The following ZXDC variants were observed in gnomAD, a reference collection of about 807,000 sequenced individuals.
The protein encoded by ZXDC is zinc finger protein ZXDC.
In ZXDC, 58 loss-of-function variants were observed where a neutral mutation model predicts 63.6. The observed-to-expected ratio is 0.91, with a 90% CI of 0.74 to 1.13. The LOEUF (loss-of-function observed/expected upper bound fraction) is 1.13. Among genes scored for constraint, ZXDC ranks in the 50% most tolerant of loss-of-function variants. The pLI, the probability that ZXDC is intolerant of heterozygous loss-of-function variation, is 0.00. For synonymous variants in ZXDC, 561 were observed against 496.1 expected, an observed-to-expected ratio of 1.13 and a Z score of -1.74; for missense variants, 1,133 against 1,148.9, an observed-to-expected ratio of 0.99 and a Z score of 0.20.
intron 4 of ZXDC, among the ~76,000 whole-genome samples, chr3:126,468,167 C>A (rs73859301): frequency 6.6e-6 from 1 of 151,790 alleles, no homozygotes; most frequent in Admixed American, 6.6e-5. Flanking sequence ...GACAGTGAGG[C>A]GCTCACATGG....
Position 126,438,291 on chromosome 3 carries a change from AG to A in ZXDC, c.*83del. ...TGGTCTTCTGAACGGAAACCAAATG[AG>A]GTCTCCCCAGGCTCATGTCATGAGT... is the stretch of plus-strand genomic sequence containing the variant. On this transcript the variant is annotated 3_prime_UTR_variant, in exon 10 of 10. Transcript: ENST00000389709. The A allele has an allele frequency of 8.7e-7, 1 of 1,155,128 alleles. No individual in the cohort carries two copies. Among genetic ancestry groups the A allele is most frequent in the South Asian group, 1.3e-5 (1 of 76,258 alleles). The allele number at this position is 1,155,128 out of a possible 1,614,324, so 71.6% of individuals were successfully genotyped here.
chr3:126,459,579 G>A lies in ZXDC; in HGVS notation c.2212+74C>T, dbSNP rs879126536. 157 of 1,606,562 alleles carry A rather than the reference G, an allele frequency of 9.8e-5. 2 individuals are homozygous for A. In the South Asian group the frequency reaches 1.6e-3, roughly 16 times the overall value. On this transcript the variant is annotated intron_variant, in intron 7 of 9. Transcript: ENST00000389709. ...CCAAGAGCACAGAAACACCTGCTGT[G>A]TTTCTTCTGCCAGTAACAGTGACAG... is the stretch of plus-strand genomic sequence containing the variant.
Position 126,438,245 on chromosome 3 carries a change from A to G in ZXDC, c.*130T>C, listed in dbSNP as rs1371933799. The G allele has an allele frequency of 1.4e-6, 1 of 739,408 alleles. No homozygotes were observed. The highest frequency in any genetic ancestry group is 2.4e-6 in the Non-Finnish European group (1 of 424,668). The allele number at this position is 739,408 out of a possible 1,614,324, so 45.8% of individuals were successfully genotyped here. The stretch of plus-strand genomic sequence containing the variant: ...AAAACATTTTTGATAAATGTACCCA[A>G]AAGTCTCAAAAGGGCTACGCTGGTC... On this transcript the variant is annotated 3_prime_UTR_variant, in exon 10 of 10. Transcript: ENST00000389709.
At chr3:126,451,193 T>A in intron 7 of ZXDC, 1 of 985,230 alleles carries the variant, frequency 1.0e-6, no homozygotes, top group South Asian at 4.7e-5. Context: ...GAAATGATCA[T>A]AATAAAACAT....
At chr3:126,460,493 TCCA>T (rs1398781230) in intron 6 of ZXDC, 1 of 983,178 alleles carries the variant, frequency 1.0e-6, no homozygotes, top group Non-Finnish European at 1.2e-6. Flanking sequence ...CTTCTCTACC[TCCA>T]CCCACAGCTG....
intron 5 of ZXDC, among the ~76,000 whole-genome samples, chr3:126,463,864 G>A (rs1285828486): frequency 5.9e-5 from 9 of 152,064 alleles, no homozygotes; most frequent in African/African-American, 2.2e-4. Context: ...GTCTATTCTA[G>A]ACAAAAAGAA....
chr3:126,467,012 C>T (rs6439012), intron 4 of ZXDC, among the ~76,000 whole-genome samples: 76,287 of 151,688 alleles, frequency 0.5, 21,107 homozygotes, highest in Non-Finnish European at 0.62. Flanking sequence ...GAGCTCTTGG[C>T]GGTCAGAGGC....
At chr3:126,442,081 C>A in intron 7 of ZXDC, 135 bp from the exon 8 acceptor site, 1 of 1,058,862 alleles carries the variant, frequency 9.4e-7, no homozygotes, top group Non-Finnish European at 1.2e-6. Flanking sequence ...CGTAAAATCA[C>A]TTAACAGAAA....
intron 8 of ZXDC, chr3:126,440,344 T>C (rs1933630134): frequency 1.0e-6 from 1 of 986,548 alleles, no homozygotes; most frequent in African/African-American, 1.7e-5. Flanking sequence ...TTCCTTCTGT[T>C]TGAGAAGCTC....
At chr3:126,461,420 G>C in intron 6 of ZXDC, 115 bp downstream of exon 6, 1 of 1,443,460 alleles carries the variant, frequency 6.9e-7, no homozygotes, top group Non-Finnish European at 9.1e-7. Flanking sequence ...GTCCAGGGCT[G>C]CGTCCTTTTG....
intron 9 of ZXDC, among the ~76,000 whole-genome samples, chr3:126,439,341 T>C (rs1933585056): frequency 6.6e-6 from 1 of 152,238 alleles, no homozygotes; most frequent in Non-Finnish European, 1.5e-5. Context: ...GGCTGGGCCC[T>C]GGCCAGCCCT....
At chr3:126,460,057 C>G in intron 6 of ZXDC, 1 of 985,386 alleles carries the variant, frequency 1.0e-6, no homozygotes, top group Non-Finnish European at 1.2e-6. Context: ...AAACAAACAC[C>G]GAGCCTTGCC....
chr3:126,445,308 C>G (rs992138253), intron 7 of ZXDC, among the ~76,000 whole-genome samples: 1 of 152,054 alleles, frequency 6.6e-6, no homozygotes, highest in Non-Finnish European at 1.5e-5. Flanking sequence ...GGACTTTCTA[C>G]GAGAGATGTC....
intron 7 of ZXDC, chr3:126,453,948 A>G: frequency 1.0e-6 from 1 of 982,706 alleles, no homozygotes. Flanking sequence ...TTATGATCAG[A>G]AAACATAGTA....
At chr3:126,454,633 T>C (rs2107640111) in intron 7 of ZXDC, 1 of 985,432 alleles carries the variant, frequency 1.0e-6, no homozygotes, top group Non-Finnish European at 1.2e-6. Flanking sequence ...TACACTTCAC[T>C]GTGACACAGG....
rs1303798595 is a variant in ZXDC, at chr3:126,466,242, G to T, written c.1354C>A (p.Arg452Ser). ...CTGTTGCAGGTAGAAACTGGGCAAC[G>T]GCTTTTCGGAGCACCCACATCCTGC... is the stretch of plus-strand genomic sequence containing the variant. ...HVQDVGAPKS[R>S]CPVSTCNRLF... The change falls in exon 5 of 10, where the codon CGT becomes AGT. Residue 452 changes from arginine (R) to serine (S), a missense_variant. Arg to Ser is a moderately radical substitution (Grantham distance 110). Coordinates refer to ENST00000389709, the MANE Select transcript of ZXDC (RefSeq NM_025112.5). 3.7e-6 allele frequency: 6 copies of T among 1,614,076 alleles called. No homozygotes were observed. The highest frequency in any genetic ancestry group is 1.3e-5 in the African/African-American group (1 of 74,906).
At chr3:126,459,999 T>G in intron 6 of ZXDC, 1 of 985,484 alleles carries the variant, frequency 1.0e-6, no homozygotes, top group Non-Finnish European at 1.2e-6. Flanking sequence ...TAGCCAAATA[T>G]TTTAAACAGA....
At chr3:126,448,128 T>C (rs1015771132) in intron 7 of ZXDC, among the ~76,000 whole-genome samples, 5 of 152,262 alleles carry the variant, frequency 3.3e-5, no homozygotes, top group Non-Finnish European at 5.9e-5. Context: ...GTAGATGTGC[T>C]GGGCTTAGAA....
In ZXDC at chr3:126,461,946, A is replaced by G; in HGVS notation, c.1716T>C (p.Ser572=). Residue 572 remains serine (S), a synonymous_variant, in exon 6 of 10, where the codon AGT becomes AGC. Transcript: ENST00000389709. ...GGCTGTCCAGGCTTGGGGGAATATC[A>G]CTGTGGGCCACCAGGACCAGGGGTT... ...PMEPLVLVAH[S]DIPPSLDSPL... The G allele has an allele frequency of 6.2e-7, 1 of 1,613,914 alleles. No homozygotes were observed. Among genetic ancestry groups the G allele is most frequent in the Non-Finnish European group, 8.5e-7 (1 of 1,179,980 alleles).
Sources: allele counts gnomAD v4.1 joint callset (sites outside exome capture counted in the v4.1 genomes callset), GRCh38; gene constraint gnomAD v4.1.1; transcripts MANE v1.5; gene names NCBI Gene and HGNC (gene_info 2026-07-23, HGNC 2026-07-21).